MACF1: variants seen among roughly 807,000 people sequenced by gnomAD.
MACF1 encodes the protein microtubule actin crosslinking factor 1.
MACF1 carries 193 observed loss-of-function variants against 854.8 expected under a neutral mutation model. The ratio of observed to expected loss-of-function variants is 0.23; its 90% CI spans 0.20 to 0.25. The LOEUF is 0.25. Among genes scored for constraint, MACF1 ranks in the 10% least tolerant of loss-of-function variants. MACF1 has a pLI of 1.00. For synonymous variants in MACF1, 3,185 were observed against 3,226.7 expected (o/e 0.99, Z 0.44); for missense variants, 7,722 against 8,929.1 (o/e 0.86, Z 5.45).
chr1:39,324,449 T>C, intron 34 of MACF1, 104 bp downstream of exon 34: 1 of 1,382,894 alleles, frequency 7.2e-7, no homozygotes, highest in Non-Finnish European at 9.8e-7. Context: ...AAGTGATTGC[T>C]ACCTGAGTAA....
intron 2 of MACF1, among the ~76,000 whole-genome samples, chr1:39,246,890 C>T (rs1012983815): frequency 6.7e-6 from 1 of 149,568 alleles, no homozygotes; most frequent in African/African-American, 2.5e-5. Flanking sequence ...ATTTTGTGAG[C>T]TGGTTGCTAA....
chr1:39,241,134 T>G (rs974698902), intron 2 of MACF1, among the ~76,000 whole-genome samples: 1 of 152,060 alleles, frequency 6.6e-6, no homozygotes, highest in Non-Finnish European at 1.5e-5. Context: ...TTTTTACAAT[T>G]TGGAGATCTG....
At position 39,463,632 on chromosome 1, in the gene MACF1, G is replaced by A. The variant is rs1158830127; in HGVS notation, c.21699G>A (p.Gln7233=). Residue 7233 remains glutamine, a synonymous_variant, in exon 94 of 101, where the codon CAG becomes CAA. Coordinates refer to ENST00000564288, the MANE Select transcript of MACF1 (RefSeq NM_001394062.1). ...IEDEVTRQVA[Q]CKCAKRFQVE... is the part of the protein sequence containing the mutation. ...AATAGGTTACAAGACAAGTGGCTCA[G>A]TGCAAATGTGCAAAAAGGTTTCAGG... 1.2e-6 allele frequency: 2 copies of A among 1,613,718 alleles called. No individual in the cohort carries two copies. The highest frequency in any genetic ancestry group is 1.7e-6 in the Non-Finnish European group (2 of 1,179,710).
chr1:39,361,794 T>C, intron 49 of MACF1, 117 bp downstream of exon 49: 3 of 951,808 alleles, frequency 3.2e-6, no homozygotes, highest in Non-Finnish European at 4.8e-6. Context: ...CTGCATTATC[T>C]TTGGGAATTA....
rs1234079000 is a variant in MACF1, at chr1:39,381,958, C to T, written c.13654C>T (p.Arg4552Ter). 1 of 1,613,290 alleles carries T rather than the reference C, an allele frequency of 6.2e-7. No individual in the cohort carries two copies. Among genetic ancestry groups the T allele is most frequent in the Non-Finnish European group, 8.5e-7 (1 of 1,179,506 alleles). The change falls in exon 56 of 101, where the codon CGA (arginine) becomes TGA (stop). Residue 4552 changes from arginine to a stop codon, truncating the protein, a stop_gained. Transcript: ENST00000564288. LOFTEE classifies it high-confidence loss of function. ...WKKIQEELNS[R>*]WERATEVTVA... ...CCCTCATTTCCTCTCTACAGATTCCCGATGGGAAAGGGCCACTGAGGTTAC... is the reference window on the plus strand; with the variant it reads ...CCCTCATTTCCTCTCTACAGATTCCTGATGGGAAAGGGCCACTGAGGTTAC...
chr1:39,192,879 G>A (rs1644273126), intron 2 of MACF1, among the ~76,000 whole-genome samples: 1 of 152,116 alleles, frequency 6.6e-6, no homozygotes, highest in African/African-American at 2.4e-5. Flanking sequence ...AACCCGAGGC[G>A]GGTGGATATC....
chr1:39,179,702 A>G (rs1049195961), intron 2 of MACF1, among the ~76,000 whole-genome samples: 1 of 152,146 alleles, frequency 6.6e-6, no homozygotes, highest in African/African-American at 2.4e-5. Flanking sequence ...TGCTAATTGT[A>G]TAGTTTATAT....
In MACF1 at chr1:39,317,375, T is replaced by C. The variant is rs1219127000; in HGVS notation, c.3750T>C (p.Arg1250=). 1.2e-6 allele frequency: 2 copies of C among 1,613,026 alleles called. No homozygotes were observed. The highest frequency in any genetic ancestry group is 2.7e-5 in the African/African-American group (2 of 74,906). ...AAAAAGGCTCCCAGCTGCAGGAGCG[T>C]TGGCACCGAGTCATTGCCCAGCTCG... ...YQEKGSQLQE[R]WHRVIAQLEI... is the part of the protein sequence containing the mutation. Residue 1250 remains arginine, a synonymous_variant, in exon 29 of 101, where the codon CGT becomes CGC. Coordinates refer to ENST00000564288, the MANE Select transcript of MACF1 (RefSeq NM_001394062.1).
At chr1:39,124,675 G>A (rs1642814991) in intron 2 of MACF1, among the ~76,000 whole-genome samples, 1 of 152,114 alleles carries the variant, frequency 6.6e-6, no homozygotes, top group Non-Finnish European at 1.5e-5. Context: ...GTTTTGCCTA[G>A]CATTATTTAA....
At position 39,361,674 on chromosome 1, in the gene MACF1, C is replaced by G. The variant is rs761074542; in HGVS notation, c.12768C>G (p.Ile4256Met). 9 of 1,613,922 alleles carry G rather than the reference C, an allele frequency of 5.6e-6. No homozygotes were observed. Among genetic ancestry groups the G allele is most frequent in the Middle Eastern group, 1.7e-4 (1 of 6,054 alleles). ...ATATTACACATTTCTTCCAACAGAT[C>G]CAGGTGAGGATATATCTGCCATGTT... ...DQDITHFFQQ[I>M]QELNLEMEDQ... is the part of the protein sequence containing the mutation. The change falls in exon 49 of 101, where the codon ATC (isoleucine) becomes ATG (methionine). Residue 4256 changes from isoleucine (I) to methionine (M), a missense_variant. By Grantham distance (10) the Ile-to-Met change is conservative (BLOSUM62 1). Transcript: ENST00000564288.
At chr1:39,218,523 A>G (rs72661930) in intron 1 of MACF1, among the ~76,000 whole-genome samples, 11,104 of 151,012 alleles carry the variant, frequency 0.074, 526 homozygotes, top group Middle Eastern at 0.12. Flanking sequence ...GACTCTTAAA[A>G]CTCTCTCTTT....
At chr1:39,413,833 G>T (rs750013803) in intron 58 of MACF1, 1 of 1,606,836 alleles carries the variant, frequency 6.2e-7, no homozygotes. Flanking sequence ...AGCTGTGGTG[G>T]CCACCCTGGA....
intron 58 of MACF1, among the ~76,000 whole-genome samples, chr1:39,401,979 A>AGG (rs1642492610): frequency 1.3e-5 from 2 of 152,240 alleles, no homozygotes; most frequent in Admixed American, 6.5e-5. Flanking sequence ...TGGGAGGCCA[A>AGG]GGCAGGCAGA....
intron 26 of MACF1, among the ~76,000 whole-genome samples, chr1:39,312,488 G>A (rs1646320109): frequency 6.6e-6 from 1 of 152,024 alleles, no homozygotes; most frequent in African/African-American, 2.4e-5. Flanking sequence ...AACAAGGGCA[G>A]CCTCTTACAT....
At chr1:39,260,720 A>G (rs1645153566) in intron 6 of MACF1, among the ~76,000 whole-genome samples, 1 of 152,080 alleles carries the variant, frequency 6.6e-6, no homozygotes, top group South Asian at 2.1e-4. Context: ...TATTATCTCT[A>G]AAAACAACAA....
At chr1:39,381,851 G>A (rs776704597) in intron 55 of MACF1, 102 bp from the exon 56 acceptor site, 8 of 814,090 alleles carry the variant, frequency 9.8e-6, no homozygotes, top group South Asian at 1.4e-5. Context: ...AATAAATAAC[G>A]CTTCTGGGGT....
In MACF1 at chr1:39,332,412, G is replaced by C. The variant is rs1438352688; in HGVS notation, c.5824G>C (p.Gly1942Arg). ...ADSAEQNINP[G>R]AAVLPCSKSH... Reference sequence around the variant, plus strand: ...CTCTGCAGAACAAAATATTAATCCTGGAGCAGCAGTTCTACCGTGCAGCAA... The same window carrying C: ...CTCTGCAGAACAAAATATTAATCCTCGAGCAGCAGTTCTACCGTGCAGCAA... The change falls in exon 37 of 101, where the codon GGA becomes CGA. Residue 1942 changes from glycine to arginine, a missense_variant. Gly to Arg is a moderately radical substitution (Grantham distance 125). Transcript: ENST00000564288. 3.7e-6 allele frequency: 6 copies of C among 1,613,870 alleles called. No homozygotes were observed. The African/African-American group carries it at 6.7e-5, about 18-fold the overall frequency.
At position 39,409,073 on chromosome 1, in the gene MACF1, G is replaced by A. The variant is rs1249579447; in HGVS notation, c.15817-13301G>A. ...GGGGGAGGAGAGCCGCCCGCCAGCC[G>A]AGCACTTCCAGCGAGCTAGCGAGCT... On this transcript the variant is annotated intron_variant, in intron 58 of 100. Transcript: ENST00000564288. The surrounding 1 kb of genome is among the most constrained non-coding windows in gnomAD (Gnocchi z 4.2). 2.6e-5 allele frequency among the ~76,000 whole-genome samples: 4 copies of A among 151,310 alleles called. No homozygotes were observed. The highest frequency in any genetic ancestry group is 2.6e-4 in the Admixed American group (4 of 15,240).
chr1:39,423,945 G>C, intron 60 of MACF1, 83 bp from the exon 61 acceptor site: 1 of 1,253,048 alleles, frequency 8.0e-7, no homozygotes, highest in Non-Finnish European at 1.1e-6. Context: ...TTGGCGGGTT[G>C]GTTTCTTTTG....
Sources: allele counts gnomAD v4.1 joint callset (sites outside exome capture counted in the v4.1 genomes callset), GRCh38; gene constraint gnomAD v4.1.1; non-coding constraint Gnocchi (gnomAD v3.1); transcripts MANE v1.5; gene names NCBI Gene and HGNC (gene_info 2026-07-23, HGNC 2026-07-21).